The following BAZ1A variants were observed in gnomAD, a reference collection of about 807,000 sequenced individuals.
The protein encoded by BAZ1A is bromodomain adjacent to zinc finger domain protein 1A.
Under a neutral mutation model 185.2 loss-of-function variants are expected in BAZ1A, and 50 were observed. The observed-to-expected ratio is 0.27, with a 90% CI of 0.22 to 0.34. BAZ1A has a LOEUF of 0.34. Among genes scored for constraint, BAZ1A ranks in the 10% least tolerant of loss-of-function variants. The pLI, the probability that BAZ1A is intolerant of heterozygous loss-of-function variation, is 1.00. For missense variants in BAZ1A, 1,356 were observed against 1,839.9 expected (o/e 0.74, Z 4.81); for synonymous variants, 571 against 615.6 (o/e 0.93, Z 1.07).
intron 24 of BAZ1A, among the ~76,000 whole-genome samples, chr14:34,761,392 T>G (rs55909288): frequency 0.055 from 8,324 of 152,266 alleles, 316 homozygotes; most frequent in South Asian, 0.14. Flanking sequence ...CCAAATAATC[T>G]GATGTAGCTT....
intron 6 of BAZ1A, 51 bp from the exon 7 acceptor site, chr14:34,803,039 A>G (rs1594856488): frequency 6.6e-7 from 1 of 1,525,912 alleles, no homozygotes; most frequent in Non-Finnish European, 9.0e-7. Context: ...AGTAAACAAC[A>G]TACAGATATG....
chr14:34,810,867 G>T, intron 5 of BAZ1A, 68 bp downstream of exon 5: 1 of 1,125,954 alleles, frequency 8.9e-7, no homozygotes, highest in Non-Finnish European at 1.3e-6. Flanking sequence ...TTCTACATCA[G>T]ACCTTCTTAA....
intron 23 of BAZ1A, among the ~76,000 whole-genome samples, chr14:34,764,281 T>C (rs1008297174): frequency 4.8e-4 from 64 of 132,562 alleles, no homozygotes; most frequent in Non-Finnish European, 7.7e-5. Context: ...TAGTTTCTTT[T>C]TTCTTTTCTT....
intron 3 of BAZ1A, among the ~76,000 whole-genome samples, chr14:34,851,511 G>C (rs1010812958): frequency 6.6e-6 from 1 of 152,050 alleles, no homozygotes; most frequent in African/African-American, 2.4e-5. Flanking sequence ...ATGTTCCTTT[G>C]TTGTATGATT....
At chr14:34,864,162 G>A (rs2042816418) in intron 2 of BAZ1A, among the ~76,000 whole-genome samples, 1 of 151,910 alleles carries the variant, frequency 6.6e-6, no homozygotes, top group African/African-American at 2.4e-5. Flanking sequence ...TTACTTTCCA[G>A]AGACAGAATC....
At chr14:34,816,072 T>C (rs910111030) in intron 4 of BAZ1A, among the ~76,000 whole-genome samples, 8 of 147,662 alleles carry the variant, frequency 5.4e-5, no homozygotes, top group African/African-American at 2.0e-4. Flanking sequence ...ATACATATTA[T>C]TCCAGACCTT....
At chr14:34,815,356 G>C (rs2041990655) in intron 4 of BAZ1A, among the ~76,000 whole-genome samples, 1 of 152,126 alleles carries the variant, frequency 6.6e-6, no homozygotes. Context: ...CTACAAGATA[G>C]AAACTACAAG....
At chr14:34,838,519 A>G (rs538887177) in intron 3 of BAZ1A, among the ~76,000 whole-genome samples, 48 of 140,450 alleles carry the variant, frequency 3.4e-4, no homozygotes, top group Admixed American at 5.7e-4. Flanking sequence ...GAGGGAAACT[A>G]TTTTTTTCTT....
chr14:34,758,785 C>G lies in BAZ1A; in HGVS notation c.4305G>C (p.Leu1435Phe). The part of the protein sequence containing the change: ...SSGRQGGVHE[L>F]SAFEQLVVEL... ...CTACAACAAGTTGTTCAAAAGCAGACAATTCATGAACTCCTCCCTGTCGGC... is the reference window on the plus strand; with the variant it reads ...CTACAACAAGTTGTTCAAAAGCAGAGAATTCATGAACTCCTCCCTGTCGGC... Residue 1435 changes from leucine to phenylalanine, a missense_variant, in exon 25 of 27, where the codon TTG becomes TTC. Transcript: ENST00000360310. 1 of 1,614,180 alleles carries G rather than the reference C, an allele frequency of 6.2e-7. No individual in the cohort carries two copies. Among genetic ancestry groups the G allele is most frequent in the Non-Finnish European group, 8.5e-7 (1 of 1,180,026 alleles).
chr14:34,808,792 C>A (rs1051848928), intron 5 of BAZ1A, among the ~76,000 whole-genome samples: 2 of 151,802 alleles, frequency 1.3e-5, no homozygotes, highest in Non-Finnish European at 2.9e-5. Context: ...AAAACAAAAC[C>A]AATAGAAAAG....
chr14:34,786,225 T>G lies in BAZ1A; in HGVS notation c.1511-4A>C, dbSNP rs1880429270. 1.9e-6 allele frequency: 3 copies of G among 1,607,096 alleles called. No homozygotes were observed. Among genetic ancestry groups the G allele is most frequent in the Non-Finnish European group, 2.5e-6 (3 of 1,176,860 alleles). On this transcript the variant is annotated splice_polypyrimidine_tract_variant and splice_region_variant and intron_variant, in intron 12 of 26. Coordinates refer to ENST00000360310, the MANE Select transcript of BAZ1A (RefSeq NM_013448.3). Reference sequence around the variant, plus strand: ...TCATCCAAAGCCTCTGTTAAATCTTTAAGGAAATAAATACTTTATTCTAGT... The same window carrying G: ...TCATCCAAAGCCTCTGTTAAATCTTGAAGGAAATAAATACTTTATTCTAGT...
intron 3 of BAZ1A, among the ~76,000 whole-genome samples, chr14:34,856,741 C>T (rs575536346): frequency 6.6e-6 from 1 of 151,328 alleles, no homozygotes; most frequent in Non-Finnish European, 1.5e-5. Context: ...GCCTGTAATC[C>T]CAGCTACTCG....
intron 11 of BAZ1A, among the ~76,000 whole-genome samples, chr14:34,793,315 A>T (rs1255819061): frequency 6.6e-6 from 1 of 152,222 alleles, no homozygotes; most frequent in African/African-American, 2.4e-5. Context: ...AGAAGAGGTC[A>T]TTATCCGCAT....
At chr14:34,798,313 T>A (rs1881318625) in intron 9 of BAZ1A, among the ~76,000 whole-genome samples, 1 of 152,178 alleles carries the variant, frequency 6.6e-6, no homozygotes, top group Non-Finnish European at 1.5e-5. Flanking sequence ...GACTTAAACA[T>A]CCCTGTCTGG....
chr14:34,759,184 T>TTTTTTTTTGTTTTG (rs1886409806), intron 24 of BAZ1A, among the ~76,000 whole-genome samples: 4 of 108,028 alleles, frequency 3.7e-5, no homozygotes, highest in African/African-American at 1.6e-4. Context: ...TTTTTTTTTT[T>TTTTTTTTTGTTTTG]TTTTTTTTTT....
chr14:34,845,141 G>A (rs1463234277), intron 3 of BAZ1A, among the ~76,000 whole-genome samples: 2 of 151,886 alleles, frequency 1.3e-5, no homozygotes, highest in Non-Finnish European at 2.9e-5. Context: ...TAGAGAATAT[G>A]TTTTTAATTT....
chr14:34,783,163 C>T lies in BAZ1A; in HGVS notation c.2067G>A (p.Leu689=). The T allele has an allele frequency of 1.2e-6, 2 of 1,606,428 alleles. No homozygotes were observed. Among genetic ancestry groups the T allele is most frequent in the South Asian group, 2.2e-5 (2 of 89,994 alleles). Residue 689 remains leucine, a synonymous_variant, in exon 16 of 27, where the codon CTG becomes CTA. Transcript: ENST00000360310. ...EQKMKEKQEK[L]KEDEQRNSTA... is the part of the protein sequence containing the mutation. ...TTGAATTTCTTTGCTCATCTTCTTT[C>T]AGTTTTTCTTGTTTCTCTTTCATTT...
At chr14:34,788,017 A>AT (rs985798171) in intron 12 of BAZ1A, among the ~76,000 whole-genome samples, 2 of 150,578 alleles carry the variant, frequency 1.3e-5, no homozygotes, top group African/African-American at 2.4e-5. Context: ...TCTGGGGTTC[A>AT]TTTTTGTTTT....
At chr14:34,862,000 T>C in intron 3 of BAZ1A, 44 bp downstream of exon 3, 1 of 1,581,650 alleles carries the variant, frequency 6.3e-7, no homozygotes, top group African/African-American at 1.4e-5. Flanking sequence ...TTTTGAGCAA[T>C]GTGAATATAA....
Sources: allele counts gnomAD v4.1 joint callset (sites outside exome capture counted in the v4.1 genomes callset), GRCh38; gene constraint gnomAD v4.1.1; transcripts MANE v1.5; gene names NCBI Gene and HGNC (gene_info 2026-07-23, HGNC 2026-07-21).